The following EXOSC4 variants were observed in gnomAD, a reference collection of about 807,000 sequenced individuals.
The protein encoded by EXOSC4 is exosome complex component RRP41.
A neutral mutation model predicts 20.0 loss-of-function variants in EXOSC4; 14 were observed. The ratio of observed to expected loss-of-function variants is 0.70; its 90% CI spans 0.46 to 1.09. The LOEUF (loss-of-function observed/expected upper bound fraction) is 1.09, where lower values mean the gene tolerates loss of function less well. Among genes scored for constraint, EXOSC4 ranks in the 50% least tolerant of loss-of-function variants. EXOSC4 has a pLI of 0.00. For synonymous variants in EXOSC4, 148 were observed against 146.4 expected (o/e 1.01, Z -0.08); for missense variants, 337 against 334.0 (o/e 1.01, Z -0.07).
At chr8:144,079,178 T>C in intron 1 of EXOSC4, 1 of 348,074 alleles carries the variant, frequency 2.9e-6, no homozygotes, top group Non-Finnish European at 5.2e-6. Flanking sequence ...CTTTCAGCTC[T>C]ACTCCGACGT....
upstream of EXOSC4, among the ~76,000 whole-genome samples, chr8:144,074,812 G>A (rs782057395): frequency 6.6e-6 from 1 of 150,882 alleles, no homozygotes; most frequent in Non-Finnish European, 1.5e-5. Context: ...GGCCTCAAGC[G>A]ATCCTCCTGC....
intron 1 of EXOSC4, 191 bp downstream of exon 1, chr8:144,079,090 A>T (rs1554763127): frequency 3.4e-6 from 2 of 587,890 alleles, no homozygotes; most frequent in East Asian, 7.1e-5. Flanking sequence ...TGCCTTTCTC[A>T]TCGGCCTCTG....
upstream of EXOSC4, among the ~76,000 whole-genome samples, chr8:144,073,816 A>C (rs147770795): frequency 4.5e-4 from 68 of 151,380 alleles, no homozygotes; most frequent in African/African-American, 1.6e-3. Context: ...ATGCCATTGC[A>C]CTCTAGCCTG....
intron 1 of EXOSC4, chr8:144,079,382 C>G (rs1835872442): frequency 4.3e-6 from 1 of 231,712 alleles, no homozygotes; most frequent in Middle Eastern, 1.7e-3. Context: ...GTGCTTCCAG[C>G]GCTGTAACTG....
chr8:144,072,109 T>C, the EXOSC4 span, among the ~76,000 whole-genome samples: 1 of 152,258 alleles, frequency 6.6e-6, no homozygotes, highest in African/African-American at 2.4e-5. Flanking sequence ...CACCTGGGTA[T>C]GTGTCATTTC....
At chr8:144,079,034 C>A (rs1347726644) in intron 1 of EXOSC4, 135 bp downstream of exon 1, 2 of 1,056,160 alleles carry the variant, frequency 1.9e-6, no homozygotes, top group East Asian at 3.3e-5. Context: ...AGCACCGCAT[C>A]TCACTCGGAG....
At chr8:144,064,637 G>A in the EXOSC4 span, among the ~76,000 whole-genome samples, 3 of 152,194 alleles carry the variant, frequency 2.0e-5, no homozygotes, top group Admixed American at 6.5e-5. Context: ...AGGTTGCAGC[G>A]AGCAGGCAGG....
the EXOSC4 span, among the ~76,000 whole-genome samples, chr8:144,070,366 A>T: frequency 6.6e-6 from 1 of 152,094 alleles, no homozygotes. Flanking sequence ...TCTAATAAAA[A>T]TACAAAATTG....
the EXOSC4 span, among the ~76,000 whole-genome samples, chr8:144,068,851 G>T: frequency 6.6e-6 from 1 of 152,104 alleles, no homozygotes; most frequent in South Asian, 2.1e-4. Context: ...GAGGCCTCCC[G>T]TCCCCCAACA....
the EXOSC4 span, among the ~76,000 whole-genome samples, chr8:144,070,302 G>T: frequency 2.6e-4 from 40 of 152,222 alleles, no homozygotes; most frequent in Admixed American, 1.6e-3. Flanking sequence ...GAGGTGGGTG[G>T]ATCACGAGGT....
At position 144,080,574 on chromosome 8, in the gene EXOSC4, T is replaced by C. The variant is rs1017514720; in HGVS notation, c.711T>C (p.Arg237=). The change falls in exon 3 of 3, where the codon CGT becomes CGC. Residue 237 remains arginine, a synonymous_variant. Transcript: ENST00000316052. This position sits in a 1 kb window ranked among gnomAD's most constrained non-coding sequence, Gnocchi z 4.9. ...LLDRVVRQHV[R]EASILLGD ...ATCGAGTGGTCCGGCAGCATGTGCG[T>C]GAGGCCTCTATCTTGCTGGGGGACT... 6.3e-7 allele frequency: 1 copy of C among 1,599,324 alleles called. No homozygotes were observed. The highest frequency in any genetic ancestry group is 1.1e-5 in the South Asian group (1 of 91,058).
Position 144,080,464 on chromosome 8 carries a change from A to G in EXOSC4, c.601A>G (p.Met201Val). The G allele has an allele frequency of 6.2e-7, 1 of 1,609,062 alleles. No individual in the cohort carries two copies. Among genetic ancestry groups the G allele is most frequent in the Non-Finnish European group, 8.5e-7 (1 of 1,179,992 alleles). Residue 201 changes from methionine (M) to valine (V), a missense_variant, in exon 3 of 3, where the codon ATG (methionine) becomes GTG (valine). Physicochemically the swap from Met to Val is conservative, Grantham distance 21. Transcript: ENST00000316052. This position sits in a 1 kb window ranked among gnomAD's most constrained non-coding sequence, Gnocchi z 4.9. ...PASGQIALLE[M>V]DARLHEDHLE... ...CTCAGGACAGATTGCGCTGCTTGAG[A>G]TGGATGCCCGGCTGCACGAGGACCA...
At chr8:144,066,495 G>A in the EXOSC4 span, among the ~76,000 whole-genome samples, 3 of 142,072 alleles carry the variant, frequency 2.1e-5, no homozygotes, top group African/African-American at 8.1e-5. Flanking sequence ...AGGCTGGAGT[G>A]CAATGGCACC....
At chr8:144,077,881 T>C (rs782329240), upstream of EXOSC4, 5 of 152,090 alleles carry the variant, frequency 3.3e-5, no homozygotes, top group Non-Finnish European at 7.3e-5. Context: ...CCACCAAAGA[T>C]GTGAGGGAGA....
chr8:144,064,582 C>T, the EXOSC4 span, among the ~76,000 whole-genome samples: 1 of 152,232 alleles, frequency 6.6e-6, no homozygotes, highest in Non-Finnish European at 1.5e-5. Context: ...ACAAGGGAGG[C>T]TGGGCCTGTT....
Position 144,078,683 on chromosome 8 carries a change from G to A in EXOSC4, c.-46G>A, listed in dbSNP as rs1412814076. On this transcript the variant is annotated 5_prime_UTR_variant, in exon 1 of 3. Coordinates refer to ENST00000316052, the MANE Select transcript of EXOSC4 (RefSeq NM_019037.3). The surrounding 1 kb of genome is among the most constrained non-coding windows in gnomAD (Gnocchi z 4.7). ...AGCCGCCGGGAGCTGTAGTTCTCCCGCGGCTCAGAGAAGTAGGCAGAGAGC... is the reference window on the plus strand; with the variant it reads ...AGCCGCCGGGAGCTGTAGTTCTCCCACGGCTCAGAGAAGTAGGCAGAGAGC... 2.2e-6 allele frequency: 3 copies of A among 1,349,004 alleles called. No homozygotes were observed. Among genetic ancestry groups the A allele is most frequent in the Middle Eastern group, 2.5e-4 (1 of 3,978 alleles). The allele number at this position is 1,349,004 out of a possible 1,614,324, so 83.6% of individuals were successfully genotyped here. A position where few individuals can be genotyped will look rare whatever the true frequency, so the allele number is the denominator to read the frequency against.
In EXOSC4 at chr8:144,079,002, TCA is replaced by T. The variant is rs1253518575; in HGVS notation, c.171+104_171+105del. 8 of 1,269,944 alleles carry T rather than the reference TCA, an allele frequency of 6.3e-6. No homozygotes were observed. The African/African-American group carries it at 9.4e-5, about 15-fold the overall frequency. 78.7% of individuals were successfully genotyped at this position (1,269,944 alleles called of 1,614,324 possible). A position where few individuals can be genotyped will look rare whatever the true frequency, so the allele number is the denominator to read the frequency against. ...CTTGAGGGGCAACGGCCGGCGCGCC[TCA>T]GTCTACACAGCCGATGCTCAGCACC... On this transcript the variant is annotated intron_variant, in intron 1 of 2. Transcript: ENST00000316052.
chr8:144,079,540 G>A, intron 1 of EXOSC4: 1 of 364,548 alleles, frequency 2.7e-6, no homozygotes, highest in South Asian at 2.1e-5. Context: ...TGCTGGTGGG[G>A]AAAGAGGGGA....
upstream of EXOSC4, chr8:144,077,993 A>G (rs1231035737): frequency 6.6e-6 from 1 of 152,272 alleles, no homozygotes; most frequent in Non-Finnish European, 1.5e-5. Flanking sequence ...CCCAGATTGC[A>G]GCACATAATA....
Sources: allele counts gnomAD v4.1 joint callset (sites outside exome capture counted in the v4.1 genomes callset), GRCh38; gene constraint gnomAD v4.1.1; non-coding constraint Gnocchi (gnomAD v3.1); transcripts MANE v1.5; gene names NCBI Gene and HGNC (gene_info 2026-07-23, HGNC 2026-07-21).